Variants in PON2 observed in about 807,000 individuals in gnomAD.
PON2 encodes serum paraoxonase/arylesterase 2.
In PON2, 27 loss-of-function variants were observed where a neutral mutation model predicts 36.6. That is an observed-to-expected ratio of 0.74 (90% confidence interval 0.54 to 1.02). The LOEUF (loss-of-function observed/expected upper bound fraction) is 1.02. Among genes scored for constraint, PON2 ranks in the 50% least tolerant of loss-of-function variants. The pLI is 0.00. For synonymous variants in PON2, 149 were observed against 156.3 expected (o/e 0.95, Z 0.35); for missense variants, 363 against 421.1 (o/e 0.86, Z 1.21).
chr7:95,426,884 AC>A (rs1789329514), intron 1 of PON2, among the ~76,000 whole-genome samples: 2 of 152,228 alleles, frequency 1.3e-5, no homozygotes, highest in Non-Finnish European at 2.9e-5. Context: ...TTTACCATCT[AC>A]CTTTTTCAAA....
At chr7:95,422,602 A>C (rs1046224069) in intron 2 of PON2, among the ~76,000 whole-genome samples, 1 of 152,238 alleles carries the variant, frequency 6.6e-6, no homozygotes, top group African/African-American at 2.4e-5. Context: ...GTTTTTAAAA[A>C]TTATGTACAG....
At chr7:95,425,063 C>T (rs1229889762) in intron 1 of PON2, among the ~76,000 whole-genome samples, 1 of 152,080 alleles carries the variant, frequency 6.6e-6, no homozygotes, top group Non-Finnish European at 1.5e-5. Context: ...CAAAGACATC[C>T]CACAAATAGT....
At chr7:95,429,469 T>C (rs1789390357) in intron 1 of PON2, among the ~76,000 whole-genome samples, 2 of 152,188 alleles carry the variant, frequency 1.3e-5, no homozygotes, top group African/African-American at 4.8e-5. Flanking sequence ...GTCTTTGCTA[T>C]TGTGAATAGA....
intron 3 of PON2, among the ~76,000 whole-genome samples, chr7:95,415,675 G>A (rs1172760179): frequency 6.6e-6 from 1 of 152,156 alleles, no homozygotes; most frequent in Non-Finnish European, 1.5e-5. Context: ...AGATTGCGCT[G>A]GGCGTGGTGG....
intron 1 of PON2, among the ~76,000 whole-genome samples, chr7:95,433,185 T>C (rs886754710): frequency 3.3e-5 from 5 of 152,244 alleles, no homozygotes; most frequent in African/African-American, 1.2e-4. Flanking sequence ...ACATTTTAAT[T>C]ATAACGAAAA....
Position 95,419,130 on chromosome 7 carries a change from G to A in PON2, c.146-2833C>T, listed in dbSNP as rs892477781. On this transcript the variant is annotated intron_variant, in intron 2 of 8. Coordinates refer to ENST00000222572, the MANE Select transcript of PON2 (RefSeq NM_000305.3). ...AAATAGCCAATCATGTTTAAAAGGT[G>A]TAGCTTTAAAAAATTACAGTTTGTT... 1.8e-4 allele frequency among the ~76,000 whole-genome samples: 27 copies of A among 152,302 alleles called. No homozygotes were observed. The East Asian group carries it at 3.9e-3, about 22-fold the overall frequency.
At chr7:95,417,060 C>A (rs1316053897) in intron 2 of PON2, among the ~76,000 whole-genome samples, 1 of 152,110 alleles carries the variant, frequency 6.6e-6, no homozygotes, top group Admixed American at 6.5e-5. Flanking sequence ...TAGACCCAAA[C>A]ACAAGAAAAG....
At chr7:95,412,253 T>C in intron 4 of PON2, 59 bp downstream of exon 4, 4 of 1,583,848 alleles carry the variant, frequency 2.5e-6, no homozygotes, top group East Asian at 2.2e-5. Flanking sequence ...AATCTATTTT[T>C]CACAGTCATT....
chr7:95,415,908 T>C (rs926264803), intron 3 of PON2: 4 of 309,056 alleles, frequency 1.3e-5, no homozygotes, highest in Non-Finnish European at 2.4e-5. Flanking sequence ...GCTGAGATCA[T>C]GCCACTGCAC....
At chr7:95,415,694 C>T (rs1789045244) in intron 3 of PON2, among the ~76,000 whole-genome samples, 2 of 151,990 alleles carry the variant, frequency 1.3e-5, no homozygotes, top group South Asian at 2.1e-4. Flanking sequence ...GGCTCACTCC[C>T]GTAATGCCAG....
chr7:95,405,746 C>G (rs575299122), intron 8 of PON2, among the ~76,000 whole-genome samples: 39 of 152,304 alleles, frequency 2.6e-4, no homozygotes, highest in African/African-American at 9.1e-4. Flanking sequence ...AATAGAAATA[C>G]TTTCATACTA....
chr7:95,410,197 T>A, intron 5 of PON2, 96 bp from the exon 6 acceptor site: 1 of 1,061,214 alleles, frequency 9.4e-7, no homozygotes, highest in Non-Finnish European at 1.4e-6. Flanking sequence ...ACATGTGCTT[T>A]AAATTTTTGG....
At chr7:95,416,768 T>G (rs915224281) in intron 2 of PON2, among the ~76,000 whole-genome samples, 3 of 152,238 alleles carry the variant, frequency 2.0e-5, no homozygotes, top group Non-Finnish European at 4.4e-5. Context: ...ATATTCCTTC[T>G]TTTAAAAACA....
chr7:95,409,791 T>C, intron 6 of PON2, 110 bp downstream of exon 6: 2 of 746,722 alleles, frequency 2.7e-6, no homozygotes, highest in Non-Finnish European at 4.6e-6. Flanking sequence ...ATGTATAATA[T>C]ACCATAAATG....
intron 3 of PON2, among the ~76,000 whole-genome samples, chr7:95,414,962 T>C (rs1789026279): frequency 1.3e-5 from 2 of 152,220 alleles, no homozygotes; most frequent in South Asian, 4.1e-4. Flanking sequence ...ATAAAAACCA[T>C]CAGGAACCTG....
chr7:95,426,267 G>GAA (rs1789314158), intron 1 of PON2, among the ~76,000 whole-genome samples: 2 of 151,806 alleles, frequency 1.3e-5, no homozygotes, highest in African/African-American at 4.8e-5. Context: ...ATAAAACAGA[G>GAA]AGAGAAAAAA....
chr7:95,406,086 T>A (rs1809679645), intron 8 of PON2, 33 bp downstream of exon 8: 15 of 1,597,762 alleles, frequency 9.4e-6, no homozygotes, highest in Non-Finnish European at 1.3e-5. Context: ...AGGACTTGAA[T>A]AATTAAGTTT....
At chr7:95,417,908 AT>A (rs1187157122) in intron 2 of PON2, among the ~76,000 whole-genome samples, 22 of 152,030 alleles carry the variant, frequency 1.4e-4, no homozygotes, top group Admixed American at 5.2e-4. Context: ...AATGATTTTT[AT>A]TTTTTTCTTT....
chr7:95,424,451 T>G, intron 2 of PON2, 64 bp downstream of exon 2: 1 of 1,267,724 alleles, frequency 7.9e-7, no homozygotes, highest in Non-Finnish European at 1.2e-6. Flanking sequence ...ATGCCATTAA[T>G]GAGTGTTTTA....
Sources: allele counts gnomAD v4.1 joint callset (sites outside exome capture counted in the v4.1 genomes callset), GRCh38; gene constraint gnomAD v4.1.1; transcripts MANE v1.5; gene names NCBI Gene and HGNC (gene_info 2026-07-23, HGNC 2026-07-21).